The following DHX36 variants were observed in gnomAD, a reference collection of about 807,000 sequenced individuals.
DHX36 encodes the protein ATP-dependent DNA/RNA helicase DHX36.
Under a neutral mutation model 139.0 loss-of-function variants are expected in DHX36, and 50 were observed. The observed-to-expected ratio is 0.36, with a 90% CI of 0.29 to 0.46. DHX36 has a LOEUF of 0.46. Among genes scored for constraint, DHX36 ranks in the 20% least tolerant of loss-of-function variants. The pLI is 1.00. For synonymous variants in DHX36, 425 were observed against 401.9 expected (o/e 1.06, Z -0.69); for missense variants, 1,024 against 1,211.3 (o/e 0.85, Z 2.29).
intron 13 of DHX36, among the ~76,000 whole-genome samples, chr3:154,294,851 C>T (rs1326301581): frequency 6.6e-6 from 1 of 152,164 alleles, no homozygotes; most frequent in East Asian, 1.9e-4. Context: ...GCCAAACATT[C>T]ATAATACATT....
chr3:154,294,155 T>C (rs1711935715), intron 13 of DHX36, among the ~76,000 whole-genome samples: 1 of 152,118 alleles, frequency 6.6e-6, no homozygotes, highest in Non-Finnish European at 1.5e-5. Context: ...ACAAGAATAA[T>C]GAAGTCAAGT....
chr3:154,316,231 T>G, intron 1 of DHX36, 68 bp from the exon 2 acceptor site: 1 of 1,584,358 alleles, frequency 6.3e-7, no homozygotes, highest in South Asian at 1.1e-5. Flanking sequence ...TATTTGATAC[T>G]GAAGAAAATA....
rs142089631 is a variant in DHX36, at chr3:154,296,518, C to T, written c.1550-1179G>A. Among the ~76,000 whole-genome samples, 346 of 152,132 alleles carry T rather than the reference C, an allele frequency of 2.3e-3. 2 individuals carry two copies. Among genetic ancestry groups the T allele is most frequent in the African/African-American group, 8.2e-3 (339 of 41,522 alleles). ...ATAATAATACATTCCAAAAGTGACCCACATTTTACACATATTTTGTTAAAA... is the reference window on the plus strand; with the variant it reads ...ATAATAATACATTCCAAAAGTGACCTACATTTTACACATATTTTGTTAAAA... On this transcript the variant is annotated intron_variant, in intron 12 of 24. Transcript: ENST00000496811.
Position 154,280,573 on chromosome 3 carries a change from G to A in DHX36, c.2567+6C>T, listed in dbSNP as rs1156880373. 1 of 1,581,660 alleles carries A rather than the reference G, an allele frequency of 6.3e-7. No homozygotes were observed. The highest frequency in any genetic ancestry group is 8.7e-7 in the Non-Finnish European group (1 of 1,152,938). On this transcript the variant is annotated splice_donor_region_variant and intron_variant, in intron 22 of 24. Transcript: ENST00000496811. ...CGAGTAATTAATAATAATCTTCAAT[G>A]CTTACATTTTTCTTTTTTTACCCAA...
chr3:154,310,892 A>G (rs1462814915), intron 4 of DHX36, among the ~76,000 whole-genome samples: 1 of 133,336 alleles, frequency 7.5e-6, no homozygotes, highest in Non-Finnish European at 1.5e-5. Flanking sequence ...ATTCTAACAC[A>G]TTATACATAC....
rs1264306077 is a variant in DHX36, at chr3:154,274,433, C to G, written c.*1738G>C. ...CAACATAAGTCCACATGTAAAGCAGCTCTAGAATGGGTTAATTCTGAAGCT... is the reference window on the plus strand; with the variant it reads ...CAACATAAGTCCACATGTAAAGCAGGTCTAGAATGGGTTAATTCTGAAGCT... On this transcript the variant is annotated 3_prime_UTR_variant, in exon 25 of 25. Transcript: ENST00000496811. 6.5e-6 allele frequency: 1 copy of G among 153,938 alleles called. No homozygotes were observed. Among genetic ancestry groups the G allele is most frequent in the Non-Finnish European group, 1.4e-5 (1 of 69,180 alleles). The allele number at this position is 153,938 out of a possible 1,614,324, so 9.5% of individuals were successfully genotyped here.
In DHX36 at chr3:154,316,063, G is replaced by T. The variant is rs1449604463; in HGVS notation, c.344C>A (p.Ser115Tyr). The T allele has an allele frequency of 1.2e-6, 2 of 1,613,186 alleles. No homozygotes were observed. The highest frequency in any genetic ancestry group is 1.1e-5 in the South Asian group (1 of 91,004). ...KNDKESEAQI[S>Y]WFAPEDHGYG... ...CCCATGATCCTCAGGAGCAAACCAG[G>T]ATATCTGTGCTTCTGACTCTTTATC... The change falls in exon 2 of 25, where the codon TCC becomes TAC. Residue 115 changes from serine (S) to tyrosine (Y), a missense_variant. By Grantham distance (144) the Ser-to-Tyr change is moderately radical (BLOSUM62 -2). Transcript: ENST00000496811.
chr3:154,322,942 G>A (rs188737378), intron 1 of DHX36, among the ~76,000 whole-genome samples: 93 of 152,258 alleles, frequency 6.1e-4, no homozygotes, highest in Non-Finnish European at 1.1e-3. Context: ...GTTTTTTAAA[G>A]AAAAGTTTAA....
chr3:154,280,526 CAA>C, intron 22 of DHX36, 51 bp downstream of exon 22: 1 of 1,341,314 alleles, frequency 7.5e-7, no homozygotes, highest in African/African-American at 1.5e-5. Flanking sequence ...GAGCAGATTT[CAA>C]AAGTTTAAGA....
At chr3:154,285,372 C>T (rs1436842350) in intron 17 of DHX36, among the ~76,000 whole-genome samples, 2 of 152,092 alleles carry the variant, frequency 1.3e-5, no homozygotes, top group East Asian at 1.9e-4. Flanking sequence ...GTTTAGGTGA[C>T]GCGAGACAGA....
intron 1 of DHX36, 87 bp from the exon 2 acceptor site, chr3:154,316,250 G>C: frequency 6.5e-7 from 1 of 1,528,234 alleles, no homozygotes; most frequent in African/African-American, 1.4e-5. Flanking sequence ...TAAAGGCTAA[G>C]TAATATATGT....
intron 1 of DHX36, 109 bp downstream of exon 1, chr3:154,324,065 C>G: frequency 1.6e-6 from 2 of 1,277,000 alleles, no homozygotes; most frequent in Non-Finnish European, 2.2e-6. Context: ...ATTTACATTT[C>G]ACAAAACACG....
intron 5 of DHX36, among the ~76,000 whole-genome samples, chr3:154,307,197 T>A (rs1712537823): frequency 2.6e-5 from 4 of 152,004 alleles, no homozygotes; most frequent in Admixed American, 2.6e-4. Flanking sequence ...AAAAACTCCT[T>A]TGGACATTGG....
chr3:154,309,203 A>C (rs1712637623), intron 5 of DHX36, among the ~76,000 whole-genome samples: 1 of 151,982 alleles, frequency 6.6e-6, no homozygotes, highest in Admixed American at 6.6e-5. Context: ...ATAAATAAAT[A>C]AATCACTGAC....
At chr3:154,319,902 C>T (rs902413735) in intron 1 of DHX36, among the ~76,000 whole-genome samples, 1 of 152,142 alleles carries the variant, frequency 6.6e-6, no homozygotes, top group African/African-American at 2.4e-5. Flanking sequence ...ATTCCCCTAC[C>T]CCTATCAGCT....
At chr3:154,286,618 G>A (rs892045707) in intron 17 of DHX36, among the ~76,000 whole-genome samples, 1 of 151,542 alleles carries the variant, frequency 6.6e-6, no homozygotes, top group African/African-American at 2.4e-5. Flanking sequence ...CTAAAATACT[G>A]AGACTGAATA....
intron 17 of DHX36, among the ~76,000 whole-genome samples, chr3:154,287,665 T>C (rs1199947886): frequency 6.7e-5 from 10 of 149,936 alleles, no homozygotes. Flanking sequence ...TCTCCAAAAA[T>C]AAAATAAAAT....
At chr3:154,318,911 G>A (rs1415540521) in intron 1 of DHX36, among the ~76,000 whole-genome samples, 1 of 152,120 alleles carries the variant, frequency 6.6e-6, no homozygotes, top group Non-Finnish European at 1.5e-5. Context: ...CATGGTATGT[G>A]CCCCAGAGAA....
In DHX36 at chr3:154,303,403, A is replaced by G. The variant is rs1460083490; in HGVS notation, c.1143T>C (p.Cys381=). 6.2e-7 allele frequency: 1 copy of G among 1,600,022 alleles called. No individual in the cohort carries two copies. The highest frequency in any genetic ancestry group is 8.5e-7 in the Non-Finnish European group (1 of 1,174,290). Reference sequence around the variant, plus strand: ...TAAAACCAGGTATATGTATCATTGGACAGTTACCTATTACGGCAGACAAAA... The same window carrying G: ...TAAAACCAGGTATATGTATCATTGGGCAGTTACCTATTACGGCAGACAAAA... ...AEKFSEYFGN[C]PMIHIPGFTF... The change falls in exon 9 of 25, where the codon TGT becomes TGC. Residue 381 remains cysteine, a synonymous_variant. Coordinates refer to ENST00000496811, the MANE Select transcript of DHX36 (RefSeq NM_020865.3).
Sources: gnomAD v4.1 joint callset for allele counts (sites outside exome capture counted in the v4.1 genomes callset) on GRCh38, gnomAD v4.1.1 for gene constraint, MANE v1.5 for transcripts, NCBI Gene and HGNC (gene_info 2026-07-23, HGNC 2026-07-21) for gene names.